ERG: variants seen among roughly 807,000 people sequenced by gnomAD.
The protein encoded by ERG is transcriptional regulator ERG.
ERG carries 9 observed loss-of-function variants against 55.3 expected under a neutral mutation model. That is an observed-to-expected ratio of 0.16 (90% CI 0.10 to 0.28). The LOEUF (loss-of-function observed/expected upper bound fraction) is 0.28, where lower values mean the gene tolerates loss of function less well. ERG is among the 10% of genes least tolerant of loss of function. The probability of loss-of-function intolerance (pLI) is 1.00; values close to 1 mark genes in which losing one functional copy is unlikely to be tolerated. For missense variants in ERG, 434 were observed against 631.6 expected (o/e 0.69, Z 3.35); for synonymous variants, 223 against 237.3 (o/e 0.94, Z 0.55).
chr21:38,473,886 ATGTG>A (rs1181589473), intron 1 of ERG: 8 of 151,728 alleles, frequency 5.3e-5, no homozygotes, highest in African/African-American at 4.9e-5. Context: ...GTGTGAGCGT[ATGTG>A]TGTGTAAGTG....
At chr21:38,494,174 G>A (rs550445325) in intron 1 of ERG, among the ~76,000 whole-genome samples, 4 of 152,320 alleles carry the variant, frequency 2.6e-5, no homozygotes, top group East Asian at 1.9e-4. Context: ...ATCAGGGGTG[G>A]TCTGACAGAA....
intron 2 of ERG, among the ~76,000 whole-genome samples, chr21:38,545,465 C>A (rs2059782220): frequency 6.6e-6 from 1 of 152,138 alleles, no homozygotes; most frequent in African/African-American, 2.4e-5. Flanking sequence ...CCATGATTTC[C>A]CAGCTTGCTG....
At chr21:38,585,466 A>G (rs184141177), upstream of ERG, among the ~76,000 whole-genome samples, 154 of 149,306 alleles carry the variant, frequency 1.0e-3, no homozygotes, top group Middle Eastern at 3.4e-3. Flanking sequence ...AAAAAGATAG[A>G]AAGAAAAAAA....
chr21:38,575,880 GC>G, intron 1 of ERG: 1 of 680,674 alleles, frequency 1.5e-6, no homozygotes. Flanking sequence ...TTGCCTAAAG[GC>G]ATCCTCTAGG....
intron 1 of ERG, among the ~76,000 whole-genome samples, chr21:38,622,590 CCACA>C (rs962627132): frequency 4.7e-5 from 7 of 149,012 alleles, no homozygotes; most frequent in Non-Finnish European, 7.4e-5. Context: ...ACCACACACA[CCACA>C]CACAATCACA....
intron 2 of ERG, among the ~76,000 whole-genome samples, chr21:38,569,035 C>G (rs922753353): frequency 6.3e-4 from 96 of 152,312 alleles, no homozygotes; most frequent in African/African-American, 2.2e-3. Flanking sequence ...GGCAGCCCCC[C>G]TGAGATCCTG....
At chr21:38,565,948 A>T (rs375979491) in intron 2 of ERG, among the ~76,000 whole-genome samples, 3 of 152,354 alleles carry the variant, frequency 2.0e-5, no homozygotes, top group African/African-American at 7.2e-5. Flanking sequence ...TAACTTGTTG[A>T]TAAGTGTGTG....
chr21:38,583,678 T>A (rs1481629959), intron 1 of ERG, among the ~76,000 whole-genome samples: 2 of 152,096 alleles, frequency 1.3e-5, no homozygotes. Flanking sequence ...ACAGAGGCAA[T>A]CAAATTAAAG....
chr21:38,634,599 G>A (rs763394986), intron 1 of ERG, among the ~76,000 whole-genome samples: 19 of 152,188 alleles, frequency 1.2e-4, no homozygotes, highest in Non-Finnish European at 2.5e-4. Context: ...TATTCTCAGG[G>A]TGACTTCAGG....
At chr21:38,483,586 C>T (rs1293389696) in intron 1 of ERG, among the ~76,000 whole-genome samples, 6 of 152,156 alleles carry the variant, frequency 3.9e-5, no homozygotes, top group Non-Finnish European at 8.8e-5. Flanking sequence ...TGGTGGCTCA[C>T]GCCTATAATC....
intron 3 of ERG, among the ~76,000 whole-genome samples, chr21:38,404,640 T>C (rs1892570): frequency 0.84 from 127,769 of 152,098 alleles, 54,882 homozygotes; most frequent in Non-Finnish European, 0.94. Context: ...AGTTCTAATC[T>C]CACCATTTCT....
intron 2 of ERG, among the ~76,000 whole-genome samples, chr21:38,512,445 T>C (rs1317351243): frequency 6.6e-6 from 1 of 152,212 alleles, no homozygotes. Context: ...TAGACAGTTA[T>C]AAGTACAAAG....
the ERG span, among the ~76,000 whole-genome samples, chr21:38,374,466 G>T: frequency 3.9e-5 from 6 of 152,210 alleles, no homozygotes; most frequent in Non-Finnish European, 7.3e-5. Context: ...TCAAAGGTTA[G>T]TCTTAAGACC....
chr21:38,423,507 T>G lies in ERG; in HGVS notation c.291A>C (p.Pro97=). The G allele has an allele frequency of 6.2e-7, 1 of 1,614,170 alleles. No individual in the cohort carries two copies. The highest frequency in any genetic ancestry group is 8.5e-7 in the Non-Finnish European group (1 of 1,180,010). Residue 97 remains proline, a synonymous_variant, in exon 3 of 10, where the codon CCA becomes CCC. Transcript: ENST00000288319. ...TGCCGTAGTTCATCCCAACGGTGTC[T>G]GGGCTGCCCACCATCTTCCCGCCTT... ...VAKGGKMVGS[P]DTVGMNYGSY... is the part of the protein sequence containing the mutation.
intron 1 of ERG, among the ~76,000 whole-genome samples, chr21:38,455,451 C>T (rs2058979171): frequency 1.3e-5 from 2 of 152,154 alleles, no homozygotes; most frequent in South Asian, 4.1e-4. Context: ...TGGTCCTTCT[C>T]TGAACACCAG....
intron 1 of ERG, among the ~76,000 whole-genome samples, chr21:38,601,160 G>A (rs1010302327): frequency 3.9e-5 from 6 of 152,086 alleles, no homozygotes; most frequent in African/African-American, 1.2e-4. Context: ...TCAGTAGGAC[G>A]CCTTCCCCCA....
chr21:38,403,416 G>T, intron 4 of ERG, 90 bp downstream of exon 4: 1 of 1,261,674 alleles, frequency 7.9e-7, no homozygotes. Flanking sequence ...GCAGGAGGAT[G>T]CTGTCGACAC....
intron 7 of ERG, 104 bp downstream of exon 7, chr21:38,392,270 CAT>C: frequency 1.1e-6 from 1 of 946,554 alleles, no homozygotes; most frequent in Non-Finnish European, 1.7e-6. Flanking sequence ...AAACCCATCA[CAT>C]GTTGCAAAAT....
rs187944719 is a variant in ERG, at chr21:38,424,579, G to A, written c.237-1018C>T. ...GAACAGTGAACTGCTCTTTGTTCTCGCGGTGTGACAGCAAACAGGCAGAGT... is the reference window on the plus strand; with the variant it reads ...GAACAGTGAACTGCTCTTTGTTCTCACGGTGTGACAGCAAACAGGCAGAGT... On this transcript the variant is annotated intron_variant, in intron 2 of 9. Transcript: ENST00000288319. Among the ~76,000 whole-genome samples, 8 of 152,232 alleles carry A rather than the reference G, an allele frequency of 5.3e-5. No homozygotes were observed. The South Asian group carries it at 6.2e-4, about 12-fold the overall frequency.
Sources: allele counts gnomAD v4.1 joint callset (sites outside exome capture counted in the v4.1 genomes callset), GRCh38; gene constraint gnomAD v4.1.1; transcripts MANE v1.5; gene names NCBI Gene and HGNC (gene_info 2026-07-23, HGNC 2026-07-21).